ZNF362: variants seen among roughly 807,000 people sequenced by gnomAD.
ZNF362 encodes the protein rotund homolog.
ZNF362 carries 11 observed loss-of-function variants against 42.9 expected under a neutral mutation model. That is an observed-to-expected ratio of 0.26 (90% confidence interval 0.16 to 0.42). The LOEUF is 0.42. ZNF362 is among the 20% of genes least tolerant of loss of function. The pLI is 1.00. For missense variants in ZNF362, 362 were observed against 576.2 expected, an observed-to-expected ratio of 0.63 and a Z score of 3.81; for synonymous variants, 255 against 257.3, an observed-to-expected ratio of 0.99 and a Z score of 0.09.
the ZNF362 span, among the ~76,000 whole-genome samples, chr1:33,128,763 G>C: frequency 6.6e-6 from 1 of 152,222 alleles, no homozygotes; most frequent in Non-Finnish European, 1.5e-5. Flanking sequence ...GCTTCTGGGA[G>C]AAGTCAGAAT....
the ZNF362 span, among the ~76,000 whole-genome samples, chr1:33,194,431 G>A: frequency 2.0e-4 from 31 of 151,654 alleles, no homozygotes; most frequent in African/African-American, 7.5e-4. Context: ...CAGCTACTTG[G>A]GAGGCTGAGG....
chr1:33,286,062 CAAAAAACA>C (rs931194534), intron 6 of ZNF362, among the ~76,000 whole-genome samples: 8 of 151,362 alleles, frequency 5.3e-5, no homozygotes, highest in Admixed American at 4.6e-4. Flanking sequence ...GACCCTGTCT[CAAAAAACA>C]AAAAAACAAA....
At chr1:33,150,292 TCTCCCTA>T in the ZNF362 span, among the ~76,000 whole-genome samples, 2,496 of 152,286 alleles carry the variant, frequency 0.016, 62 homozygotes, top group African/African-American at 0.056. Flanking sequence ...GCTGGAGCAT[TCTCCCTA>T]CTTCAGTTGC....
intron 8 of ZNF362, 51 bp downstream of exon 8, chr1:33,295,356 C>G: frequency 1.3e-6 from 2 of 1,590,306 alleles, no homozygotes; most frequent in Non-Finnish European, 1.7e-6. Flanking sequence ...CTTCGTCTTC[C>G]AGGCCTCAGT....
the ZNF362 span, among the ~76,000 whole-genome samples, chr1:33,233,585 G>T: frequency 3.1e-3 from 471 of 152,094 alleles, 15 homozygotes; most frequent in East Asian, 0.08. Flanking sequence ...TGTATTTTTC[G>T]TAGAGACGGG....
chr1:33,211,739 C>G, the ZNF362 span, among the ~76,000 whole-genome samples: 3 of 151,990 alleles, frequency 2.0e-5, no homozygotes, highest in African/African-American at 7.3e-5. Flanking sequence ...AAGGAGTAAT[C>G]TTTGTGGTGT....
At chr1:33,224,519 T>C in the ZNF362 span, among the ~76,000 whole-genome samples, 1 of 152,228 alleles carries the variant, frequency 6.6e-6, no homozygotes, top group African/African-American at 2.4e-5. Flanking sequence ...GGAAGGGATC[T>C]ATAATTGCAA....
chr1:33,153,500 T>G, the ZNF362 span, among the ~76,000 whole-genome samples: 2 of 152,170 alleles, frequency 1.3e-5, no homozygotes, highest in South Asian at 4.1e-4. Context: ...TGGCATCTAA[T>G]GGATAGAGGC....
the ZNF362 span, among the ~76,000 whole-genome samples, chr1:33,157,547 A>G: frequency 6.7e-6 from 1 of 149,300 alleles, no homozygotes; most frequent in East Asian, 1.9e-4. Flanking sequence ...ACTTTTGTCT[A>G]CTTTCTATCT....
At chr1:33,189,661 A>G in the ZNF362 span, among the ~76,000 whole-genome samples, 1,747 of 19,832 alleles carry the variant, frequency 0.088, 44 homozygotes, top group Admixed American at 0.12. Flanking sequence ...ATATATATAT[A>G]TATATATATA....
At chr1:33,241,357 TGGGGGC>T in the ZNF362 span, among the ~76,000 whole-genome samples, 2 of 151,754 alleles carry the variant, frequency 1.3e-5, no homozygotes, top group Admixed American at 1.3e-4. Context: ...TAGCCAGGTG[TGGGGGC>T]GGGTGCCTGT....
chr1:33,159,451 T>C, the ZNF362 span, among the ~76,000 whole-genome samples: 1 of 152,190 alleles, frequency 6.6e-6, no homozygotes, highest in Admixed American at 6.5e-5. This position sits in a 1 kb window ranked among gnomAD's most constrained non-coding sequence, Gnocchi z 4.2. Context: ...GGCTGCCCTC[T>C]AGATGGTTTT....
At position 33,299,053 on chromosome 1, in the gene ZNF362, T is replaced by C. The variant is rs950400044; in HGVS notation, c.*7T>C. ...GCGAATCTCTCTCATCTGAGCCCAC[T>C]GGAGGCGCCGCCCCACCCGGCCCAC... On this transcript the variant is annotated 3_prime_UTR_variant, in exon 9 of 9. Transcript: ENST00000539719. 3.1e-6 allele frequency: 5 copies of C among 1,603,452 alleles called. No individual in the cohort carries two copies. Among genetic ancestry groups the C allele is most frequent in the African/African-American group, 2.7e-5 (2 of 75,022 alleles).
chr1:33,195,039 A>T, the ZNF362 span: 38 of 152,316 alleles, frequency 2.5e-4, no homozygotes, highest in African/African-American at 8.2e-4. Flanking sequence ...CAATAAAAAT[A>T]AAAAAATCTG....
chr1:33,170,045 C>T, the ZNF362 span, among the ~76,000 whole-genome samples: 639 of 152,184 alleles, frequency 4.2e-3, 5 homozygotes, highest in African/African-American at 0.015. Context: ...CCTACTAGGC[C>T]GGGCACAGTG....
the ZNF362 span, among the ~76,000 whole-genome samples, chr1:33,226,156 T>A: frequency 6.6e-6 from 1 of 151,684 alleles, no homozygotes; most frequent in Non-Finnish European, 1.5e-5. Flanking sequence ...GTAGATCTCT[T>A]ACAAAGCTTT....
chr1:33,201,174 G>A, the ZNF362 span, among the ~76,000 whole-genome samples: 1 of 152,208 alleles, frequency 6.6e-6, no homozygotes, highest in South Asian at 2.1e-4. Context: ...CAAGGAAAAA[G>A]AGACAAAGCC....
At chr1:33,238,100 A>G in the ZNF362 span, among the ~76,000 whole-genome samples, 1 of 152,104 alleles carries the variant, frequency 6.6e-6, no homozygotes, top group Non-Finnish European at 1.5e-5. Context: ...CAGGTGGATC[A>G]GAGGTCAGGC....
the ZNF362 span, chr1:33,147,792 C>A: frequency 6.5e-7 from 1 of 1,543,252 alleles, no homozygotes. This position sits in a 1 kb window ranked among gnomAD's most constrained non-coding sequence, Gnocchi z 8.1. Flanking sequence ...CCATGCAGTG[C>A]CTTCCTGAGG....
Sources: gnomAD v4.1 joint callset for allele counts (sites outside exome capture counted in the v4.1 genomes callset) on GRCh38, gnomAD v4.1.1 for gene constraint, Gnocchi (gnomAD v3.1) non-coding constraint, MANE v1.5 for transcripts, NCBI Gene and HGNC (gene_info 2026-07-23, HGNC 2026-07-21) for gene names.